Variants in RABEP2 observed in about 807,000 individuals in gnomAD.
RABEP2 encodes the protein rabaptin, RAB GTPase binding effector protein 2.
In RABEP2, 57 loss-of-function variants were observed where a neutral mutation model predicts 74.1. That is an observed-to-expected ratio of 0.77 (90% CI 0.62 to 0.96). RABEP2 has a LOEUF of 0.96. Among genes scored for constraint, RABEP2 ranks in the 40% least tolerant of loss-of-function variants. The pLI is 0.00. For missense variants in RABEP2, 692 were observed against 756.3 expected, an observed-to-expected ratio of 0.91 and a Z score of 1.00; for synonymous variants, 351 against 344.0, an observed-to-expected ratio of 1.02 and a Z score of -0.23.
At chr16:28,905,917 T>A in intron 9 of RABEP2, 39 bp from the exon 10 acceptor site, 1 of 1,613,222 alleles carries the variant, frequency 6.2e-7, no homozygotes, top group South Asian at 1.1e-5. Flanking sequence ...GGCCAGCCTC[T>A]CTCCCCTCCC....
chr16:28,919,017 T>C (rs1964432521), intron 3 of RABEP2, among the ~76,000 whole-genome samples: 1 of 152,156 alleles, frequency 6.6e-6, no homozygotes, highest in Admixed American at 6.5e-5. Context: ...CTCCCTTCTA[T>C]GTGCGTAAAC....
At chr16:28,918,096 G>A (rs1254667938) in intron 3 of RABEP2, among the ~76,000 whole-genome samples, 1 of 124,486 alleles carries the variant, frequency 8.0e-6, no homozygotes, top group Non-Finnish European at 1.6e-5. Context: ...TTTTTGAGAC[G>A]GAGTCTCGCT....
Position 28,919,785 on chromosome 16 carries a change from C to A in RABEP2, c.432+1G>T. 1 of 1,604,834 alleles carries A rather than the reference C, an allele frequency of 6.2e-7. No homozygotes were observed. The highest frequency in any genetic ancestry group is 8.5e-7 in the Non-Finnish European group (1 of 1,174,050). On this transcript the variant is annotated splice_donor_variant, in intron 3 of 12. Coordinates refer to ENST00000358201, the MANE Select transcript of RABEP2 (RefSeq NM_024816.3). LOFTEE classifies it high-confidence loss of function. ...AGCAGGGAAGCCATCCCAATCCCAA[C>A]CTTTTCCATCTGCTTCTCCAGGGAG... is the stretch of plus-strand genomic sequence containing the variant.
chr16:28,910,431 C>G (rs1964296403), intron 7 of RABEP2: 1 of 153,780 alleles, frequency 6.5e-6, no homozygotes, highest in African/African-American at 2.4e-5. Context: ...AGGCGCCCAC[C>G]ACCATGCCCG....
intron 3 of RABEP2, among the ~76,000 whole-genome samples, chr16:28,917,505 C>T (rs1246391653): frequency 6.6e-6 from 1 of 152,092 alleles, no homozygotes; most frequent in Admixed American, 6.6e-5. Flanking sequence ...CTGCAACCTC[C>T]GTCTCCTGGG....
In RABEP2 at chr16:28,924,588, CCTTCCTGGGACCGGGAGTCCTCCAGTG is replaced by C. The variant is rs1386840536; in HGVS notation, c.62_88del (p.Ala21_Glu29del). The stretch of plus-strand genomic sequence containing the variant: ...ACCTGACTCGGCCTCACCATTTGCC[CCTTCCTGGGACCGGGAGTCCTCCAGTG>C]CTGTGGGGGACAGGGATCAGCCTCT... On this transcript the variant is annotated inframe_deletion and splice_region_variant, in exon 2 of 13. Transcript: ENST00000358201. 3.7e-6 allele frequency: 6 copies of C among 1,612,406 alleles called. No homozygotes were observed. Among genetic ancestry groups the C allele is most frequent in the Non-Finnish European group, 5.1e-6 (6 of 1,180,016 alleles).
chr16:28,916,639 T>C (rs1025140563), intron 3 of RABEP2, among the ~76,000 whole-genome samples: 1 of 126,056 alleles, frequency 7.9e-6, no homozygotes, highest in African/African-American at 3.2e-5. Flanking sequence ...GTCACTGCAC[T>C]CCAGCCTGGG....
At chr16:28,914,920 TA>T (rs1308693854) in intron 3 of RABEP2, 138 bp from the exon 4 acceptor site, 1 of 701,942 alleles carries the variant, frequency 1.4e-6, no homozygotes, top group Non-Finnish European at 2.4e-6. Flanking sequence ...ATTCCAGAGA[TA>T]AGAACACAGA....
At chr16:28,917,186 GC>G (rs1964407071) in intron 3 of RABEP2, among the ~76,000 whole-genome samples, 4 of 151,850 alleles carry the variant, frequency 2.6e-5, no homozygotes, top group African/African-American at 9.7e-5. Flanking sequence ...ACCTATCTCC[GC>G]TTATATGTCC....
At chr16:28,914,954 T>A (rs1964369162) in intron 3 of RABEP2, among the ~76,000 whole-genome samples, 172 bp from the exon 4 acceptor site, 1 of 151,502 alleles carries the variant, frequency 6.6e-6, no homozygotes. Flanking sequence ...TTCCACGACT[T>A]GCCCCAGGAC....
At chr16:28,923,863 C>T (rs906482092) in intron 2 of RABEP2, among the ~76,000 whole-genome samples, 1 of 152,074 alleles carries the variant, frequency 6.6e-6, no homozygotes, top group African/African-American at 2.4e-5. Flanking sequence ...GAGTCTCTGG[C>T]TTCTGCTAGA....
intron 7 of RABEP2, among the ~76,000 whole-genome samples, chr16:28,909,667 T>C (rs901500192): frequency 2.0e-5 from 3 of 151,718 alleles, no homozygotes; most frequent in African/African-American, 7.3e-5. Context: ...TGAGCTCTGA[T>C]TGCACCACTG....
chr16:28,913,267 G>T (rs1008074889), intron 5 of RABEP2, among the ~76,000 whole-genome samples: 3 of 151,694 alleles, frequency 2.0e-5, no homozygotes, highest in Non-Finnish European at 4.4e-5. Context: ...ACGCCATCTG[G>T]GTCTCAGTTC....
rs1832339224 is a variant in RABEP2 at position 28,914,485 on chromosome 16, T to G, written c.645A>C (p.Gly215=). 6.2e-7 allele frequency: 1 copy of G among 1,613,130 alleles called. No homozygotes were observed. The highest frequency in any genetic ancestry group is 1.1e-5 in the South Asian group (1 of 91,064). The change falls in exon 5 of 13, where the codon GGA becomes GGC. Residue 215 remains glycine (G), a synonymous_variant. Coordinates refer to ENST00000358201, the MANE Select transcript of RABEP2 (RefSeq NM_024816.3). ...AGGCCTCAGCGGCTGGACCCCCATC[T>G]CCGCTCAGCTCCTCCAGAGGCTCCA... ...PPLEPLEELS[G]DGGPAAEAFA...
Position 28,924,476 on chromosome 16 carries a change from C to T in RABEP2, c.201G>A (p.Thr67=), listed in dbSNP as rs1162507283. Residue 67 remains threonine (T), a synonymous_variant, in exon 2 of 13, where the codon ACG becomes ACA. Transcript: ENST00000358201. ...GCACCGCAGCCACAGCCTCGGCCTT[C>T]GTGCTCTCGCTCACCTCTGCCACAG... ...MKAVAEVSES[T]KAEAVAAVQR... 4 of 1,614,042 alleles carry T rather than the reference C, an allele frequency of 2.5e-6. No individual in the cohort carries two copies. Among genetic ancestry groups the T allele is most frequent in the East Asian group, 2.2e-5 (1 of 44,880 alleles).
In RABEP2 at chr16:28,908,691, C is replaced by A; in HGVS notation, c.1163G>T (p.Arg388Leu). Residue 388 changes from arginine to leucine, a missense_variant, in exon 8 of 13, where the codon CGG (arginine) becomes CTG (leucine). Coordinates refer to ENST00000358201, the MANE Select transcript of RABEP2 (RefSeq NM_024816.3). ...KRLNEENQGL[R>L]AEQLPSSAPQ... ...GGCTGAGGATGGCAGCTGCTCGGCC[C>A]GGAGCCCTTGGTTTTCCTCATTCAA... 1 of 1,614,184 alleles carries A rather than the reference C, an allele frequency of 6.2e-7. No homozygotes were observed. The highest frequency in any genetic ancestry group is 8.5e-7 in the Non-Finnish European group (1 of 1,180,026).
At chr16:28,924,159 G>T (rs1964502917) in intron 2 of RABEP2, 2 of 551,314 alleles carry the variant, frequency 3.6e-6, no homozygotes, top group Middle Eastern at 4.9e-4. Context: ...AAATGACATG[G>T]GACAAGGCAA....
chr16:28,924,660 G>A (rs563885509), intron 1 of RABEP2, 45 bp from the exon 2 acceptor site: 6 of 1,554,152 alleles, frequency 3.9e-6, no homozygotes, highest in Admixed American at 1.7e-5. Context: ...TCTTACCCCA[G>A]GCCACCTACC....
At chr16:28,908,584 C>T in intron 8 of RABEP2, 25 bp downstream of exon 8, 1 of 1,582,316 alleles carries the variant, frequency 6.3e-7, no homozygotes, top group East Asian at 2.3e-5. Flanking sequence ...TGGCTCCAGG[C>T]TCTCAGTGCC....
Sources: gnomAD v4.1 joint callset for allele counts (sites outside exome capture counted in the v4.1 genomes callset) on GRCh38, gnomAD v4.1.1 for gene constraint, MANE v1.5 for transcripts, NCBI Gene and HGNC (gene_info 2026-07-23, HGNC 2026-07-21) for gene names.